Variants in CCDC7 observed in about 807,000 individuals in gnomAD.
CCDC7 encodes coiled-coil domain containing 7, also known as coiled-coil domain-containing protein 7.
In CCDC7, 183 loss-of-function variants were observed where a neutral mutation model predicts 196.9. The observed-to-expected ratio is 0.93, with a 90% CI of 0.82 to 1.05. CCDC7 has a LOEUF of 1.05. Ranked by LOEUF, CCDC7 falls within the 50% of genes least tolerant of loss-of-function variation. CCDC7 has a pLI of 0.00. For missense variants in CCDC7, 1,540 were observed against 1,482.2 expected, an observed-to-expected ratio of 1.04 and a Z score of -0.64; for synonymous variants, 525 against 484.6, an observed-to-expected ratio of 1.08 and a Z score of -1.10.
At chr10:32,540,344 C>T (rs946575963) in intron 11 of CCDC7, among the ~76,000 whole-genome samples, 3 of 152,084 alleles carry the variant, frequency 2.0e-5, no homozygotes, top group Admixed American at 6.5e-5. Context: ...GTTTGCAACT[C>T]CTGCTTTTTC....
At chr10:32,646,572 T>G (rs556020277) in intron 20 of CCDC7, among the ~76,000 whole-genome samples, 6 of 152,314 alleles carry the variant, frequency 3.9e-5, no homozygotes, top group African/African-American at 1.4e-4. Flanking sequence ...AAGTGTATAT[T>G]TTCATTTTTT....
chr10:32,566,168 G>A (rs1050156923), intron 14 of CCDC7, among the ~76,000 whole-genome samples: 4 of 152,148 alleles, frequency 2.6e-5, no homozygotes, highest in Non-Finnish European at 5.9e-5. Flanking sequence ...AGTATTTGTG[G>A]TTGTATGCTG....
intron 20 of CCDC7, among the ~76,000 whole-genome samples, chr10:32,647,396 C>A (rs574300883): frequency 7.3e-6 from 1 of 136,448 alleles, no homozygotes; most frequent in South Asian, 2.4e-4. Flanking sequence ...GTAATCCCAG[C>A]TACCTGGGAG....
exon 34 of CCDC7, chr10:32,845,245 A>T: frequency 1.3e-6 from 2 of 1,542,776 alleles, no homozygotes; most frequent in Non-Finnish European, 1.8e-6. Context: ...TTATATAGAG[A>T]CTGATAAGGA....
chr10:32,498,420 C>T (rs1040044332), intron 9 of CCDC7, among the ~76,000 whole-genome samples: 5 of 152,116 alleles, frequency 3.3e-5, no homozygotes, highest in African/African-American at 1.2e-4. Flanking sequence ...TTGAGCTTGT[C>T]ATTATGATGC....
intron 13 of CCDC7, among the ~76,000 whole-genome samples, chr10:32,558,741 G>A (rs964864891): frequency 2.6e-5 from 4 of 152,176 alleles, no homozygotes; most frequent in Admixed American, 2.0e-4. Context: ...CGTGAGTGAC[G>A]CAGAAGACGG....
rs193238323 is a variant in CCDC7 at position 32,695,582 on chromosome 10, G to A, written c.2458+590G>A. Reference sequence around the variant, plus strand: ...CCTTTTACTTGTTGGGGCTAAGAGTGACTAAAGCTGAGAGTGACCTAGCCC... The same window carrying A: ...CCTTTTACTTGTTGGGGCTAAGAGTAACTAAAGCTGAGAGTGACCTAGCCC... On this transcript the variant is annotated intron_variant, in intron 24 of 41. Coordinates refer to ENST00000639629, the Ensembl canonical transcript of CCDC7. Among the ~76,000 whole-genome samples the A allele has an allele frequency of 2.0e-3, 297 of 152,266 alleles. 1 individual carries two copies. The highest frequency in any genetic ancestry group is 6.8e-3 in the Middle Eastern group (2 of 294).
At chr10:32,790,331 A>G (rs1489345986) in intron 29 of CCDC7, among the ~76,000 whole-genome samples, 1 of 152,168 alleles carries the variant, frequency 6.6e-6, no homozygotes, top group Non-Finnish European at 1.5e-5. Context: ...GGAGGAAGAC[A>G]TGCCCCCACA....
chr10:32,866,881 C>A (rs1407987139), intron 41 of CCDC7, among the ~76,000 whole-genome samples: 2 of 151,494 alleles, frequency 1.3e-5, no homozygotes, highest in African/African-American at 4.8e-5. Flanking sequence ...ATCTAATGAT[C>A]AAAATTGCCA....
rs1049988020 is a variant in CCDC7, at chr10:32,757,722, AG to A, written c.2906-21254del. Among the ~76,000 whole-genome samples the A allele has an allele frequency of 3.5e-4, 54 of 152,230 alleles. 2 individuals are homozygous for A. The highest frequency in any genetic ancestry group is 5.9e-5 in the Non-Finnish European group (4 of 68,040). ...AGAAGCAAGAGCAAACACATTCAAA[AG>A]CTAGCAGAAGGCCAAAAATAACTAA... is the stretch of plus-strand genomic sequence containing the variant. On this transcript the variant is annotated intron_variant, in intron 28 of 41. Transcript: ENST00000639629.
chr10:32,658,488 G>A (rs368431240), intron 20 of CCDC7, among the ~76,000 whole-genome samples: 1 of 152,124 alleles, frequency 6.6e-6, no homozygotes, highest in South Asian at 2.1e-4. Flanking sequence ...CATGAGAATA[G>A]CATGGAGGTT....
intron 28 of CCDC7, among the ~76,000 whole-genome samples, chr10:32,762,369 A>G (rs904591404): frequency 6.6e-6 from 1 of 151,754 alleles, no homozygotes; most frequent in African/African-American, 2.4e-5. Context: ...ACACTCTTCC[A>G]GAAGCTGCCT....
intron 22 of CCDC7, among the ~76,000 whole-genome samples, chr10:32,882,427 A>G (rs1935650): frequency 0.35 from 53,685 of 152,094 alleles, 11,961 homozygotes; most frequent in Non-Finnish European, 0.51. Context: ...AGTTGAGAAG[A>G]GGGCGTAGAG....
chr10:32,820,353 G>A (rs1366328596), intron 31 of CCDC7, among the ~76,000 whole-genome samples: 1 of 152,192 alleles, frequency 6.6e-6, no homozygotes, highest in Non-Finnish European at 1.5e-5. Flanking sequence ...CTCATGGGTA[G>A]GAAGAATCAA....
chr10:32,504,213 G>C (rs1564481543), intron 9 of CCDC7, among the ~76,000 whole-genome samples: 1 of 147,002 alleles, frequency 6.8e-6, no homozygotes, highest in Non-Finnish European at 1.5e-5. Flanking sequence ...TGCCTCCCAG[G>C]TCATGCCATT....
intron 33 of CCDC7, among the ~76,000 whole-genome samples, chr10:32,838,912 T>C (rs1321051147): frequency 1.3e-5 from 2 of 151,972 alleles, no homozygotes; most frequent in Non-Finnish European, 2.9e-5. Flanking sequence ...AAAGATACAG[T>C]CTTTTCCAGA....
At chr10:32,697,747 G>A (rs2077966142) in intron 24 of CCDC7, among the ~76,000 whole-genome samples, 2 of 152,194 alleles carry the variant, frequency 1.3e-5, no homozygotes, top group African/African-American at 4.8e-5. Context: ...CTGGGGGCAG[G>A]GCATAGCTGA....
chr10:32,610,186 G>A (rs2061954107), intron 18 of CCDC7, among the ~76,000 whole-genome samples: 1 of 151,996 alleles, frequency 6.6e-6, no homozygotes, highest in Non-Finnish European at 1.5e-5. Flanking sequence ...CTCACTGCAA[G>A]CTCTGCCTCC....
At chr10:32,821,186 A>T (rs1243018379) in intron 31 of CCDC7, among the ~76,000 whole-genome samples, 1 of 152,280 alleles carries the variant, frequency 6.6e-6, no homozygotes, top group Non-Finnish European at 1.5e-5. Context: ...GAAGACATTT[A>T]TGCAGCCAAC....
Sources: gnomAD v4.1 joint callset for allele counts (sites outside exome capture counted in the v4.1 genomes callset) on GRCh38, gnomAD v4.1.1 for gene constraint, MANE v1.5 for transcripts, NCBI Gene and HGNC (gene_info 2026-07-23, HGNC 2026-07-21) for gene names.